The following LIG1 variants were observed in gnomAD, a reference collection of about 807,000 sequenced individuals.
The protein encoded by LIG1 is ligase I, DNA, ATP-dependent.
LIG1 carries 70 observed loss-of-function variants against 115.7 expected under a neutral mutation model. The observed-to-expected ratio is 0.60, with a 90% CI of 0.50 to 0.74. The LOEUF (loss-of-function observed/expected upper bound fraction) is 0.74, where lower values mean the gene tolerates loss of function less well. LIG1 is among the 30% of genes least tolerant of loss of function. The probability of loss-of-function intolerance (pLI) is 0.00; values close to 1 mark genes in which losing one functional copy is unlikely to be tolerated. For synonymous variants in LIG1, 487 were observed against 495.3 expected (o/e 0.98, Z 0.22); for missense variants, 1,115 against 1,225.6 (o/e 0.91, Z 1.35).
intron 8 of LIG1, 22 bp from the exon 9 acceptor site, chr19:48,149,863 A>C: frequency 6.2e-7 from 1 of 1,611,224 alleles, no homozygotes; most frequent in Non-Finnish European, 8.5e-7. Context: ...GACAGAAAAC[A>C]GTGGGTCTTT....
chr19:48,132,034 G>T (rs1568495773), intron 18 of LIG1, among the ~76,000 whole-genome samples: 2 of 150,556 alleles, frequency 1.3e-5, no homozygotes, highest in Non-Finnish European at 2.9e-5. Context: ...TGCCTCCTGG[G>T]TTCAAGCAAT....
intron 21 of LIG1, 62 bp from the exon 22 acceptor site, chr19:48,123,380 C>T: frequency 6.3e-7 from 1 of 1,587,558 alleles, no homozygotes; most frequent in Non-Finnish European, 8.6e-7. Flanking sequence ...ACAATAAGCC[C>T]TAAATGTGAG....
Position 48,165,707 on chromosome 19 carries a change from A to T in LIG1, c.-57-84T>A, listed in dbSNP as rs1254860122. ...CATAAAACCCTTTCTTTAAGAAAGA[A>T]AGAAAAAAAAAAACAGAAACATGAA... On this transcript the variant is annotated intron_variant, in intron 1 of 27. Transcript: ENST00000263274. The T allele has an allele frequency of 1.4e-5, 14 of 971,508 alleles. No individual in the cohort carries two copies. The Admixed American group carries it at 2.7e-4, about 19-fold the overall frequency. 60.2% of individuals were successfully genotyped at this position (971,508 alleles called of 1,614,324 possible).
At chr19:48,143,518 C>A (rs3730936) in intron 11 of LIG1, 25 bp downstream of exon 11, 32 of 594,074 alleles carry the variant, frequency 5.4e-5, no homozygotes, top group East Asian at 5.3e-4. Context: ...CCCCGCCCCC[C>A]ACCCAGGCAG....
At chr19:48,144,034 G>C in intron 9 of LIG1, 71 bp from the exon 10 acceptor site, 4 of 1,225,856 alleles carry the variant, frequency 3.3e-6, no homozygotes, top group Non-Finnish European at 2.4e-6. Flanking sequence ...TTCCAACTGT[G>C]ATGTGCCAGG....
At chr19:48,156,991 G>A in intron 5 of LIG1, 23 bp downstream of exon 5, 2 of 433,494 alleles carry the variant, frequency 4.6e-6, no homozygotes, top group Middle Eastern at 4.5e-4. Context: ...CGACTGAAGG[G>A]GCAGGGGCCC....
chr19:48,161,233 C>G, intron 4 of LIG1, 139 bp downstream of exon 4: 1 of 1,281,380 alleles, frequency 7.8e-7, no homozygotes, highest in Middle Eastern at 2.2e-4. Context: ...TGTGTCTGCC[C>G]CCGACACAAC....
In LIG1 at chr19:48,140,892, T is replaced by C. The variant is rs190876607; in HGVS notation, c.915-749A>G. 3.2e-3 allele frequency among the ~76,000 whole-genome samples: 491 copies of C among 152,256 alleles called. 4 individuals are homozygous for C. The highest frequency in any genetic ancestry group is 0.011 in the African/African-American group (453 of 41,534). On this transcript the variant is annotated intron_variant, in intron 11 of 27. Coordinates refer to ENST00000263274, the MANE Select transcript of LIG1 (RefSeq NM_000234.3). ...CCCCACATGCTCAGGGAGACTGATT[T>C]GAGTAAAAATGAAACTCCGGTCTCC...
At chr19:48,144,082 CAA>C (rs898746704) in intron 9 of LIG1, 119 bp from the exon 10 acceptor site, 9 of 872,834 alleles carry the variant, frequency 1.0e-5, no homozygotes, top group East Asian at 2.4e-5. Context: ...TGGATGAAAA[CAA>C]AGTTTGCTAA....
At chr19:48,136,446 G>A (rs1367769065) in intron 14 of LIG1, among the ~76,000 whole-genome samples, 6 of 152,132 alleles carry the variant, frequency 3.9e-5, no homozygotes, top group Admixed American at 3.3e-4. Flanking sequence ...TGAGCCTGGC[G>A]CCCGCCCTGG....
At chr19:48,165,757 G>C (rs2036448790) in intron 1 of LIG1, 134 bp from the exon 2 acceptor site, 1 of 731,042 alleles carries the variant, frequency 1.4e-6, no homozygotes, top group Admixed American at 2.4e-5. Flanking sequence ...AGAAACTCCT[G>C]TTTTTATGAA....
At chr19:48,163,772 C>CA (rs2036321875) in intron 2 of LIG1, among the ~76,000 whole-genome samples, 1 of 151,696 alleles carries the variant, frequency 6.6e-6, no homozygotes, top group Non-Finnish European at 1.5e-5. Flanking sequence ...TGAAACCCTG[C>CA]TTCTACTAAA....
intron 9 of LIG1, among the ~76,000 whole-genome samples, chr19:48,149,166 T>C (rs1240283052): frequency 6.6e-6 from 1 of 152,104 alleles, no homozygotes; most frequent in Non-Finnish European, 1.5e-5. Flanking sequence ...AAAAATTATC[T>C]GGGTGTGGTG....
chr19:48,120,161 C>T, intron 24 of LIG1: 2 of 985,060 alleles, frequency 2.0e-6, no homozygotes, highest in Non-Finnish European at 2.4e-6. Context: ...TAAGTAATCA[C>T]ATTACCCATC....
chr19:48,157,785 G>A (rs1216850770), intron 4 of LIG1, among the ~76,000 whole-genome samples: 5 of 152,158 alleles, frequency 3.3e-5, no homozygotes, highest in African/African-American at 4.8e-5. Context: ...GAGCTCAAGC[G>A]ATCCTCCCGC....
intron 24 of LIG1, chr19:48,120,407 T>G (rs2033180024): frequency 1.0e-6 from 1 of 985,204 alleles, no homozygotes; most frequent in African/African-American, 1.7e-5. Context: ...AAATAAAACA[T>G]TCCCTCAAAT....
chr19:48,147,846 C>T (rs191293220), intron 9 of LIG1, among the ~76,000 whole-genome samples: 223 of 151,682 alleles, frequency 1.5e-3, no homozygotes, highest in African/African-American at 5.0e-3. Flanking sequence ...TCTGAAAGTG[C>T]TCATTTAAAT....
Position 48,119,299 on chromosome 19 carries a change from C to T in LIG1, c.2386-109G>A, listed in dbSNP as rs3731041. The T allele has an allele frequency of 4.7e-4, 412 of 871,546 alleles. 2 individuals are homozygous for T. In the South Asian group the frequency reaches 5.2e-3, roughly 11 times the overall value. 54.0% of individuals were successfully genotyped at this position (871,546 alleles called of 1,614,324 possible). A position where few individuals can be genotyped will look rare whatever the true frequency, so the allele number is the denominator to read the frequency against. Reference sequence around the variant, plus strand: ...ATGGCCCCCACCCCACTCTGGTCTACGCAGTATCCACAGAAAACCAGGGAA... The same window carrying T: ...ATGGCCCCCACCCCACTCTGGTCTATGCAGTATCCACAGAAAACCAGGGAA... On this transcript the variant is annotated intron_variant, in intron 24 of 27. Transcript: ENST00000263274.
intron 11 of LIG1, 34 bp downstream of exon 11, chr19:48,143,509 C>T: frequency 5.9e-6 from 3 of 511,448 alleles, no homozygotes; most frequent in Non-Finnish European, 7.6e-6. Context: ...CAGAAGCGAC[C>T]CCGCCCCCCA....
Sources: gnomAD v4.1 joint callset for allele counts (sites outside exome capture counted in the v4.1 genomes callset) on GRCh38, gnomAD v4.1.1 for gene constraint, MANE v1.5 for transcripts, NCBI Gene and HGNC (gene_info 2026-07-23, HGNC 2026-07-21) for gene names.